The following CES5A variants were observed in gnomAD, a reference collection of about 807,000 sequenced individuals.
The protein encoded by CES5A is carboxylesterase 5.
In CES5A, 67 loss-of-function variants were observed where a neutral mutation model predicts 62.9. That is an observed-to-expected ratio of 1.07 (90% CI 0.88 to 1.31). The LOEUF (loss-of-function observed/expected upper bound fraction) is 1.31, where lower values mean the gene tolerates loss of function less well. Ranked by LOEUF, CES5A falls within the 50% of genes most tolerant of loss-of-function variation. CES5A has a pLI of 0.00. For synonymous variants in CES5A, 296 were observed against 280.8 expected (o/e 1.05, Z -0.54); for missense variants, 748 against 708.5 (o/e 1.06, Z -0.63).
chr16:55,901,633 A>G (rs1471599468), intron 1 of CES5A, among the ~76,000 whole-genome samples: 2 of 152,160 alleles, frequency 1.3e-5, no homozygotes, highest in Non-Finnish European at 2.9e-5. Context: ...CGAGGGCGGC[A>G]TTTATATTCC....
intron 1 of CES5A, among the ~76,000 whole-genome samples, chr16:55,920,925 A>T (rs1389977922): frequency 1.3e-5 from 2 of 152,240 alleles, no homozygotes; most frequent in East Asian, 3.9e-4. Flanking sequence ...GACTGAAATA[A>T]TTTTAAAAAT....
At chr16:55,877,432 ATG>A (rs1319930791), upstream of CES5A, among the ~76,000 whole-genome samples, 2 of 146,068 alleles carry the variant, frequency 1.4e-5, no homozygotes, top group African/African-American at 2.6e-5. Context: ...ATATATATAT[ATG>A]TGTGTGTGTA....
intron 1 of CES5A, among the ~76,000 whole-genome samples, chr16:55,906,283 C>T (rs1211192816): frequency 6.6e-6 from 1 of 152,162 alleles, no homozygotes. Flanking sequence ...TTGATTGATG[C>T]GGTTTGTAAT....
chr16:55,933,671 A>G (rs944607835), intron 2 of CES5A, among the ~76,000 whole-genome samples: 2 of 152,132 alleles, frequency 1.3e-5, no homozygotes, highest in Non-Finnish European at 2.9e-5. Context: ...ACATATGTAT[A>G]TACATATATA....
intron 1 of CES5A, among the ~76,000 whole-genome samples, chr16:55,888,291 G>A (rs1354945309): frequency 6.6e-6 from 1 of 152,136 alleles, no homozygotes; most frequent in Non-Finnish European, 1.5e-5. Context: ...GGGCCATGCA[G>A]CTTTCCGTTT....
upstream of CES5A, among the ~76,000 whole-genome samples, chr16:55,879,512 A>T (rs1355086554): frequency 6.7e-6 from 1 of 149,854 alleles, no homozygotes; most frequent in African/African-American, 2.5e-5. Flanking sequence ...GCACCCCATC[A>T]CTGTACCTCC....
intron 1 of CES5A, 77 bp from the exon 2 acceptor site, chr16:55,874,114 C>T (rs1168474239): frequency 7.6e-7 from 1 of 1,313,466 alleles, no homozygotes; most frequent in African/African-American, 1.5e-5. Flanking sequence ...TGGAGCTCCC[C>T]AGTGGGGATG....
intron 1 of CES5A, among the ~76,000 whole-genome samples, chr16:55,918,746 T>A (rs1353022948): frequency 6.6e-6 from 1 of 152,144 alleles, no homozygotes; most frequent in Non-Finnish European, 1.5e-5. Flanking sequence ...ACACATTCTC[T>A]CCATCACATT....
upstream of CES5A, among the ~76,000 whole-genome samples, chr16:55,929,100 C>T (rs568131359): frequency 1.3e-5 from 2 of 152,326 alleles, no homozygotes; most frequent in East Asian, 3.9e-4. Flanking sequence ...CCAGTGGGCT[C>T]TAAGACTCCA....
At chr16:55,938,765 AATATATATATATATATAT>A (rs763759878) in intron 2 of CES5A, among the ~76,000 whole-genome samples, 6 of 39,192 alleles carry the variant, frequency 1.5e-4, no homozygotes, top group Admixed American at 5.2e-4. Flanking sequence ...AAAAAAAAAA[AATATATATATATATATAT>A]ATATATATAT....
intron 1 of CES5A, among the ~76,000 whole-genome samples, chr16:55,954,420 C>G (rs879916500): frequency 7.9e-5 from 12 of 152,246 alleles, no homozygotes; most frequent in Non-Finnish European, 1.6e-4. Context: ...CGGTCCTGAC[C>G]GAGGTGAAGC....
intron 4 of CES5A, among the ~76,000 whole-genome samples, chr16:55,867,425 C>A (rs1173325603): frequency 6.6e-6 from 1 of 152,102 alleles, no homozygotes; most frequent in Non-Finnish European, 1.5e-5. Flanking sequence ...ATGTCTAGAC[C>A]GAAAGCATGC....
At chr16:55,904,553 C>A (rs2034020587) in intron 1 of CES5A, among the ~76,000 whole-genome samples, 1 of 152,204 alleles carries the variant, frequency 6.6e-6, no homozygotes, top group Non-Finnish European at 1.5e-5. Context: ...CTATTACCAC[C>A]ACCTGACCAG....
rs2033588792 is a variant in CES5A, at chr16:55,871,639, C to G, written c.403G>C (p.Gly135Arg). The G allele has an allele frequency of 1.2e-6, 2 of 1,614,100 alleles. No homozygotes were observed. Among genetic ancestry groups the G allele is most frequent in the African/African-American group, 2.7e-5 (2 of 75,048 alleles). The change falls in exon 3 of 13, where the codon GGC (glycine) becomes CGC (arginine). Residue 135 changes from glycine (G) to arginine (R), a missense_variant. Physicochemically the swap from Gly to Arg is moderately radical, Grantham distance 125. Transcript: ENST00000290567. ...NIYAPAHADTGSKLPVLVWFP... is the reference protein window; with the variant it reads ...NIYAPAHADTRSKLPVLVWFP... ...GGCAGCCTTACGGGGAGCTTGGAGC[C>G]TGTATCGGCGTGGGCAGGCGCATAG...
intron 1 of CES5A, among the ~76,000 whole-genome samples, chr16:55,925,118 G>A (rs775704690): frequency 2.3e-4 from 35 of 151,974 alleles, no homozygotes; most frequent in Non-Finnish European, 3.4e-4. Context: ...ACTCTCAACC[G>A]ACAACAGATT....
At chr16:55,951,381 C>G (rs1165703179) in intron 1 of CES5A, among the ~76,000 whole-genome samples, 1 of 151,984 alleles carries the variant, frequency 6.6e-6, no homozygotes, top group African/African-American at 2.4e-5. Context: ...GTGATTGACT[C>G]TAAATATCAA....
chr16:55,888,424 A>T (rs1246204442), intron 1 of CES5A, among the ~76,000 whole-genome samples: 1 of 152,200 alleles, frequency 6.6e-6, no homozygotes, highest in African/African-American at 2.4e-5. Flanking sequence ...GCTTCCTGTT[A>T]TTCAAGCGAA....
chr16:55,869,604 G>A lies in CES5A; in HGVS notation c.551+7C>T, dbSNP rs757740160. The A allele has an allele frequency of 8.1e-6, 13 of 1,613,292 alleles. No homozygotes were observed. Among genetic ancestry groups the A allele is most frequent in the Non-Finnish European group, 1.1e-5 (13 of 1,179,622 alleles). Reference sequence around the variant, plus strand: ...ATCTGGGATGTCCATCATTTGGAGAGACTCACGTGAAGAAACCAAATATTC... The same window carrying A: ...ATCTGGGATGTCCATCATTTGGAGAAACTCACGTGAAGAAACCAAATATTC... On this transcript the variant is annotated splice_region_variant and intron_variant, in intron 4 of 12. Coordinates refer to ENST00000290567, the MANE Select transcript of CES5A (RefSeq NM_001143685.2).
rs1229675252 is a variant in CES5A, at chr16:55,873,097, G to T, written c.278+736C>A. 2.0e-5 allele frequency among the ~76,000 whole-genome samples: 3 copies of T among 152,212 alleles called. No individual in the cohort carries two copies. The East Asian group carries it at 5.8e-4, about 29-fold the overall frequency. Reference sequence around the variant, plus strand: ...ATTTCTTCTGCCAGGAACCCATGTGGCCCAACCTGAGAGCTTGACAGAATC... The same window carrying T: ...ATTTCTTCTGCCAGGAACCCATGTGTCCCAACCTGAGAGCTTGACAGAATC... On this transcript the variant is annotated intron_variant, in intron 2 of 12. Coordinates refer to ENST00000290567, the MANE Select transcript of CES5A (RefSeq NM_001143685.2).
Sources: allele counts gnomAD v4.1 joint callset (sites outside exome capture counted in the v4.1 genomes callset), GRCh38; gene constraint gnomAD v4.1.1; transcripts MANE v1.5; gene names NCBI Gene and HGNC (gene_info 2026-07-23, HGNC 2026-07-21).